Variants in ZEB1 observed in about 807,000 individuals in gnomAD.
ZEB1 encodes zinc finger E-box-binding homeobox 1.
ZEB1 carries 21 observed loss-of-function variants against 84.9 expected under a neutral mutation model. The ratio of observed to expected loss-of-function variants is 0.25; its 90% confidence interval spans 0.18 to 0.36. The LOEUF (loss-of-function observed/expected upper bound fraction) is 0.36. Ranked by LOEUF, ZEB1 falls within the 10% of genes least tolerant of loss-of-function variation. The pLI is 1.00. For synonymous variants in ZEB1, 420 were observed against 471.1 expected, an observed-to-expected ratio of 0.89 and a Z score of 1.41; for missense variants, 1,104 against 1,330.2, an observed-to-expected ratio of 0.83 and a Z score of 2.65.
At chr10:31,340,294 A>G (rs1283671014) in intron 1 of ZEB1, among the ~76,000 whole-genome samples, 4 of 152,158 alleles carry the variant, frequency 2.6e-5, no homozygotes, top group Admixed American at 6.5e-5. Context: ...TCAGATGTCA[A>G]AACACCTAGG....
chr10:31,524,107 C>T lies in ZEB1; in HGVS notation c.2779C>T (p.His927Tyr), dbSNP rs1234398582. The change falls in exon 8 of 9, where the codon CAC becomes TAC. Residue 927 changes from histidine to tyrosine, a missense_variant. Physicochemically the swap from His to Tyr is moderately conservative, Grantham distance 83. Transcript: ENST00000424869. Reference protein sequence around the residue: ...SSSLLRHKYEHTGKRPHECGI... With the variant: ...SSSLLRHKYEYTGKRPHECGI... ...TTCATTATTGAGACATAAATATGAA[C>T]ACACAGGTATGTCAGTGAACACAAA... 6.2e-7 allele frequency: 1 copy of T among 1,613,234 alleles called. No individual in the cohort carries two copies. Among genetic ancestry groups the T allele is most frequent in the Non-Finnish European group, 8.5e-7 (1 of 1,179,688 alleles).
intron 1 of ZEB1, among the ~76,000 whole-genome samples, chr10:31,383,265 G>A (rs1201219467): frequency 6.6e-6 from 1 of 152,134 alleles, no homozygotes; most frequent in African/African-American, 2.4e-5. Flanking sequence ...TTTGGCACAT[G>A]TGGCTGCTGA....
At chr10:31,360,974 A>C (rs2042944698) in intron 1 of ZEB1, 2 of 1,604,682 alleles carry the variant, frequency 1.2e-6, no homozygotes, top group African/African-American at 2.7e-5. Flanking sequence ...GCCACGGAGC[A>C]GTGGGTTCTG....
chr10:31,503,751 G>A (rs560483907), intron 4 of ZEB1, among the ~76,000 whole-genome samples: 1 of 151,418 alleles, frequency 6.6e-6, no homozygotes, highest in Non-Finnish European at 1.5e-5. Flanking sequence ...GTCTTTAATA[G>A]CAATACTAAC....
intron 1 of ZEB1, chr10:31,363,492 G>A (rs1489251859): frequency 2.0e-6 from 3 of 1,531,208 alleles, no homozygotes; most frequent in South Asian, 1.2e-5. Flanking sequence ...GCCTAGAGGT[G>A]GAGGCTGCTT....
At chr10:31,350,152 C>G (rs2041064655) in intron 1 of ZEB1, among the ~76,000 whole-genome samples, 1 of 152,020 alleles carries the variant, frequency 6.6e-6, no homozygotes, top group South Asian at 2.1e-4. Flanking sequence ...TCAGTTTTCC[C>G]AACACCATTT....
At chr10:31,472,349 G>C (rs1260566052) in intron 2 of ZEB1, among the ~76,000 whole-genome samples, 1 of 151,988 alleles carries the variant, frequency 6.6e-6, no homozygotes, top group African/African-American at 2.4e-5. Flanking sequence ...GAATCAAATA[G>C]ATGCAATAAA....
intron 1 of ZEB1, chr10:31,362,717 A>G (rs2134160660): frequency 5.9e-6 from 3 of 504,590 alleles, no homozygotes; most frequent in East Asian, 7.9e-5. Flanking sequence ...CTCACTTCCC[A>G]GATGGTGCAG....
chr10:31,486,105 G>A (rs905448437), intron 2 of ZEB1, among the ~76,000 whole-genome samples: 6 of 151,722 alleles, frequency 4.0e-5, no homozygotes, highest in African/African-American at 1.5e-4. Context: ...CATTGTATGG[G>A]TGTGCCACAG....
chr10:31,506,595 G>A (rs773583470), intron 4 of ZEB1, among the ~76,000 whole-genome samples: 2 of 152,048 alleles, frequency 1.3e-5, no homozygotes, highest in Middle Eastern at 6.8e-3. Context: ...TGCTCACTAT[G>A]GTTTCCATTT....
intron 1 of ZEB1, among the ~76,000 whole-genome samples, chr10:31,409,415 C>G (rs1230303459): frequency 6.6e-6 from 1 of 152,100 alleles, no homozygotes; most frequent in African/African-American, 2.4e-5. Flanking sequence ...TTACTGTAGC[C>G]TTGTAGTATA....
chr10:31,342,083 A>G (rs2039483162), intron 1 of ZEB1, among the ~76,000 whole-genome samples: 1 of 152,208 alleles, frequency 6.6e-6, no homozygotes, highest in African/African-American at 2.4e-5. Flanking sequence ...CACCACAACC[A>G]TAGTTGTTAC....
At chr10:31,474,217 A>C (rs202076092) in intron 2 of ZEB1, among the ~76,000 whole-genome samples, 25 of 152,026 alleles carry the variant, frequency 1.6e-4, no homozygotes, top group African/African-American at 2.7e-4. Flanking sequence ...AATGGGATCT[A>C]ATTAAACTAA....
chr10:31,393,949 A>G (rs1231197737), intron 1 of ZEB1, among the ~76,000 whole-genome samples: 3 of 152,172 alleles, frequency 2.0e-5, no homozygotes, highest in Non-Finnish European at 4.4e-5. Flanking sequence ...ACGTCCTTGT[A>G]TAGGATATAA....
rs781172285 is a variant in ZEB1, at chr10:31,520,984, A to G, written c.1652A>G (p.Tyr551Cys). 4.3e-6 allele frequency: 7 copies of G among 1,614,006 alleles called. No homozygotes were observed. The highest frequency in any genetic ancestry group is 1.6e-4 in the Middle Eastern group (1 of 6,084). The change falls in exon 7 of 9, where the codon TAT becomes TGT. Residue 551 changes from tyrosine (Y) to cysteine (C), a missense_variant. Transcript: ENST00000424869. This position sits in a 1 kb window ranked among gnomAD's most constrained non-coding sequence, Gnocchi z 5.1. The stretch of plus-strand genomic sequence containing the variant: ...AATGCACTTCCAGAATTAAAGCACT[A>G]TGACCTAAAGCAGCCTACTCAGCCT... ...DINALPELKH[Y>C]DLKQPTQPPP...
At chr10:31,486,930 AT>A (rs951366230) in intron 2 of ZEB1, among the ~76,000 whole-genome samples, 84 of 151,462 alleles carry the variant, frequency 5.5e-4, no homozygotes, top group African/African-American at 1.9e-3. Flanking sequence ...TTTTGACCTA[AT>A]TTTTTTATAA....
At chr10:31,500,635 T>A (rs894093353) in intron 3 of ZEB1, among the ~76,000 whole-genome samples, 5 of 152,176 alleles carry the variant, frequency 3.3e-5, no homozygotes, top group African/African-American at 1.2e-4. Context: ...GACTTTACAC[T>A]CCAAGCAGTG....
At chr10:31,394,701 G>A (rs541303129) in intron 1 of ZEB1, among the ~76,000 whole-genome samples, 3 of 152,302 alleles carry the variant, frequency 2.0e-5, no homozygotes, top group African/African-American at 7.2e-5. Context: ...GTTGACTGTG[G>A]TTGCTAATTG....
intron 1 of ZEB1, among the ~76,000 whole-genome samples, chr10:31,372,851 T>C (rs1311404496): frequency 7.2e-5 from 11 of 151,994 alleles, no homozygotes; most frequent in Admixed American, 7.2e-4. Context: ...TTTCAGAAGA[T>C]ACTAGAATTT....
Sources: allele counts gnomAD v4.1 joint callset (sites outside exome capture counted in the v4.1 genomes callset), GRCh38; gene constraint gnomAD v4.1.1; non-coding constraint Gnocchi (gnomAD v3.1); transcripts MANE v1.5; gene names NCBI Gene and HGNC (gene_info 2026-07-23, HGNC 2026-07-21).